Variants in RAD17 observed in about 807,000 individuals in gnomAD.
RAD17 encodes the protein RAD17 checkpoint clamp loader component, also known as cell cycle checkpoint protein RAD17.
RAD17 carries 31 observed loss-of-function variants against 81.5 expected under a neutral mutation model. The observed-to-expected ratio is 0.38, with a 90% CI of 0.29 to 0.51. The LOEUF (loss-of-function observed/expected upper bound fraction) is 0.51. Among genes scored for constraint, RAD17 ranks in the 20% least tolerant of loss-of-function variants. The probability of loss-of-function intolerance (pLI) is 0.88; values close to 1 mark genes in which losing one functional copy is unlikely to be tolerated. For synonymous variants in RAD17, 261 were observed against 266.2 expected (o/e 0.98, Z 0.19); for missense variants, 681 against 781.2 (o/e 0.87, Z 1.53).
At chr5:69,413,876 A>G (rs986768461) in intron 18 of RAD17, among the ~76,000 whole-genome samples, 155 bp from the exon 19 acceptor site, 1 of 152,166 alleles carries the variant, frequency 6.6e-6, no homozygotes, top group Non-Finnish European at 1.5e-5. Context: ...TCAGTTTGTC[A>G]TTTACCTTGT....
intron 6 of RAD17, among the ~76,000 whole-genome samples, chr5:69,381,398 G>T (rs1329865091): frequency 6.6e-6 from 1 of 151,972 alleles, no homozygotes; most frequent in East Asian, 1.9e-4. Context: ...GGAGAATGGC[G>T]TGAACCCGGG....
Position 69,369,821 on chromosome 5 carries a change from C to A in RAD17, c.-529C>A. 1 of 1,043,760 alleles carries A rather than the reference C, an allele frequency of 9.6e-7. No homozygotes were observed. Among genetic ancestry groups the A allele is most frequent in the Non-Finnish European group, 1.4e-6 (1 of 714,468 alleles). The allele number at this position is 1,043,760 out of a possible 1,614,324, so 64.7% of individuals were successfully genotyped here. On this transcript the variant is annotated 5_prime_UTR_variant, in exon 1 of 19. Coordinates refer to ENST00000354868, the MANE Select transcript of RAD17 (RefSeq NM_133338.3). ...TCTGGAAGGTCCCCGGGAGGCCGTA[C>A]CTCCGAGAGGCTCGGCGTTGAGCCC... is the stretch of plus-strand genomic sequence containing the variant.
At position 69,414,395 on chromosome 5, in the gene RAD17, G is replaced by T; in HGVS notation, c.*103G>T. On this transcript the variant is annotated 3_prime_UTR_variant, in exon 19 of 19. Coordinates refer to ENST00000354868, the MANE Select transcript of RAD17 (RefSeq NM_133338.3). ...TGCTTTTCTGATGAATTACACAACA[G>T]TTTGTTAATTCTTCATTCTTGTAGT... 1 of 1,276,112 alleles carries T rather than the reference G, an allele frequency of 7.8e-7. No individual in the cohort carries two copies. The allele number at this position is 1,276,112 out of a possible 1,614,324, so 79.0% of individuals were successfully genotyped here. A position where few individuals can be genotyped will look rare whatever the true frequency, so the allele number is the denominator to read the frequency against.
chr5:69,387,892 G>C (rs1025755094), intron 11 of RAD17, among the ~76,000 whole-genome samples: 2 of 152,094 alleles, frequency 1.3e-5, no homozygotes, highest in Non-Finnish European at 2.9e-5. Flanking sequence ...TGGGCATGGT[G>C]GTGTGCTCCT....
intron 6 of RAD17, among the ~76,000 whole-genome samples, chr5:69,379,776 G>T (rs1222845913): frequency 6.6e-6 from 1 of 152,084 alleles, no homozygotes; most frequent in African/African-American, 2.4e-5. Flanking sequence ...TCCACTGGAA[G>T]GTCTTCAGAG....
chr5:69,401,572 C>A (rs147388841), intron 17 of RAD17, among the ~76,000 whole-genome samples: 4 of 152,130 alleles, frequency 2.6e-5, no homozygotes, highest in Non-Finnish European at 5.9e-5. Flanking sequence ...TACATCTGCA[C>A]AAGTTTTGAA....
chr5:69,408,814 C>T (rs1201887409), intron 17 of RAD17, among the ~76,000 whole-genome samples: 2 of 152,104 alleles, frequency 1.3e-5, no homozygotes. Context: ...CCTGACTACT[C>T]CCTAATTACT....
At chr5:69,405,230 G>A (rs1765516144) in intron 17 of RAD17, among the ~76,000 whole-genome samples, 1 of 152,006 alleles carries the variant, frequency 6.6e-6, no homozygotes. Context: ...TAGGCCGGGC[G>A]CAGTGGCTCA....
At chr5:69,407,298 C>T (rs1279530844) in intron 17 of RAD17, among the ~76,000 whole-genome samples, 2 of 151,904 alleles carry the variant, frequency 1.3e-5, no homozygotes, top group East Asian at 1.9e-4. Flanking sequence ...ATCCAAAGGT[C>T]CTCATAGTGT....
chr5:69,386,471 T>A lies in RAD17; in HGVS notation c.894+6T>A, dbSNP rs1292375197. 1.9e-6 allele frequency: 3 copies of A among 1,577,060 alleles called. No individual in the cohort carries two copies. The highest frequency in any genetic ancestry group is 1.4e-5 in the African/African-American group (1 of 73,282). ...TGACTATAGAAGCTAACAAGGTAAGTCTCTGATTAATTAAACCTTACTCGA... is the reference window on the plus strand; with the variant it reads ...TGACTATAGAAGCTAACAAGGTAAGACTCTGATTAATTAAACCTTACTCGA... On this transcript the variant is annotated splice_donor_region_variant and intron_variant, in intron 11 of 18. Coordinates refer to ENST00000354868, the MANE Select transcript of RAD17 (RefSeq NM_133338.3).
At chr5:69,385,038 C>T in intron 8 of RAD17, 105 bp downstream of exon 8, 4 of 983,604 alleles carry the variant, frequency 4.1e-6, no homozygotes, top group Non-Finnish European at 4.2e-6. Context: ...CAGCTCATTG[C>T]AAGCTCTGCC....
At chr5:69,396,640 C>A in intron 16 of RAD17, 94 bp downstream of exon 16, 3 of 1,233,948 alleles carry the variant, frequency 2.4e-6, no homozygotes, top group Admixed American at 3.4e-5. Context: ...TAAAACATAA[C>A]AAAGGAAAAA....
chr5:69,390,990 G>A (rs1319651177), intron 12 of RAD17, among the ~76,000 whole-genome samples: 2 of 150,092 alleles, frequency 1.3e-5, no homozygotes, highest in African/African-American at 4.9e-5. Flanking sequence ...GCTCATGCCT[G>A]TAATCCCAGC....
At chr5:69,374,522 G>T in intron 5 of RAD17, 106 bp from the exon 6 acceptor site, 1 of 651,810 alleles carries the variant, frequency 1.5e-6, no homozygotes, top group South Asian at 2.4e-5. Context: ...GATTGTTACT[G>T]ATTTGCTACT....
rs1561227759 is a variant in RAD17 at position 69,369,987 on chromosome 5, CTA to C, written c.-417+56_-417+57del. ...ATGTATATGTCTTAGAGACGTGAGT[CTA>C]TCTCTGCCTTCAAGCTTTCCTGGGC... On this transcript the variant is annotated intron_variant, in intron 1 of 18. Transcript: ENST00000354868. 6 of 444,970 alleles carry C rather than the reference CTA, an allele frequency of 1.3e-5. 1 individual carries two copies. The allele number at this position is 444,970 out of a possible 1,614,324, so 27.6% of individuals were successfully genotyped here. A position where few individuals can be genotyped will look rare whatever the true frequency, so the allele number is the denominator to read the frequency against.
At chr5:69,401,736 C>T (rs899419528) in intron 17 of RAD17, among the ~76,000 whole-genome samples, 1 of 151,794 alleles carries the variant, frequency 6.6e-6, no homozygotes, top group Non-Finnish European at 1.5e-5. Context: ...GCCTGTAATC[C>T]CAGCACTTTG....
intron 18 of RAD17, among the ~76,000 whole-genome samples, chr5:69,410,999 T>TATATATATA (rs1765961124): frequency 1.0e-4 from 4 of 38,238 alleles, no homozygotes; most frequent in South Asian, 7.5e-4. Context: ...ATATATATAC[T>TATATATATA]GTTCATTTTA....
At chr5:69,398,893 C>G in intron 16 of RAD17, among the ~76,000 whole-genome samples, 1 of 105,120 alleles carries the variant, frequency 9.5e-6, no homozygotes, top group African/African-American at 3.1e-5. Flanking sequence ...AAAAAAGAGG[C>G]CAGGTGCAGT....
intron 15 of RAD17, among the ~76,000 whole-genome samples, chr5:69,395,098 G>A (rs1215458278): frequency 6.6e-6 from 1 of 152,094 alleles, no homozygotes; most frequent in African/African-American, 2.4e-5. Context: ...AATTAGGAAA[G>A]ACACAGAAAA....
Sources: gnomAD v4.1 joint callset for allele counts (sites outside exome capture counted in the v4.1 genomes callset) on GRCh38, gnomAD v4.1.1 for gene constraint, MANE v1.5 for transcripts, NCBI Gene and HGNC (gene_info 2026-07-23, HGNC 2026-07-21) for gene names.